The following SCFD1 variants were observed in gnomAD, a reference collection of about 807,000 sequenced individuals.
SCFD1 encodes sec1 family domain containing 1, also known as sec1 family domain-containing protein 1.
Under a neutral mutation model 103.2 loss-of-function variants are expected in SCFD1, and 37 were observed. That is an observed-to-expected ratio of 0.36 (90% confidence interval 0.28 to 0.47). The LOEUF (loss-of-function observed/expected upper bound fraction) is 0.47. SCFD1 is among the 20% of genes least tolerant of loss of function. SCFD1 has a pLI of 1.00. For synonymous variants in SCFD1, 264 were observed against 245.0 expected (o/e 1.08, Z -0.73); for missense variants, 639 against 761.2 (o/e 0.84, Z 1.89).
chr14:30,660,129 A>T (rs1479105949), intron 10 of SCFD1, among the ~76,000 whole-genome samples: 1 of 152,214 alleles, frequency 6.6e-6, no homozygotes, highest in Non-Finnish European at 1.5e-5. Flanking sequence ...CCAGAAATAC[A>T]TCTATACATG....
At chr14:30,629,926 A>G (rs1471110362) in intron 2 of SCFD1, among the ~76,000 whole-genome samples, 1 of 151,628 alleles carries the variant, frequency 6.6e-6, no homozygotes, top group Non-Finnish European at 1.5e-5. Context: ...AGATGCTTAA[A>G]ATACTAAATT....
At chr14:30,626,689 G>A (rs1439957490) in intron 1 of SCFD1, among the ~76,000 whole-genome samples, 2 of 152,144 alleles carry the variant, frequency 1.3e-5, no homozygotes, top group Non-Finnish European at 2.9e-5. Context: ...ACTCTCCTAT[G>A]TGTGTTGCCC....
chr14:30,716,584 AC>A (rs1304404666), intron 20 of SCFD1, among the ~76,000 whole-genome samples: 2 of 152,236 alleles, frequency 1.3e-5, no homozygotes, highest in South Asian at 4.1e-4. Flanking sequence ...CACTGTCGCA[AC>A]CAAAAGGTGG....
chr14:30,666,566 GAGAT>G (rs1330472346), intron 10 of SCFD1, among the ~76,000 whole-genome samples: 6 of 152,010 alleles, frequency 3.9e-5, no homozygotes, highest in Non-Finnish European at 8.8e-5. Flanking sequence ...AGAAATGAAG[GAGAT>G]AGAGACACAA....
In SCFD1 at chr14:30,735,701, A is replaced by G; in HGVS notation, c.*92A>G. ...AAGAGCAATATGTTTCCTTCTCTGT[A>G]ACAGTGTCCTAACAGTGAAAATCAG... On this transcript the variant is annotated 3_prime_UTR_variant, in exon 25 of 25. Coordinates refer to ENST00000458591, the MANE Select transcript of SCFD1 (RefSeq NM_016106.4). The G allele has an allele frequency of 1.1e-6, 1 of 891,492 alleles. No homozygotes were observed. Among genetic ancestry groups the G allele is most frequent in the South Asian group, 1.6e-5 (1 of 63,798 alleles). 55.2% of individuals were successfully genotyped at this position (891,492 alleles called of 1,614,324 possible).
intron 3 of SCFD1, among the ~76,000 whole-genome samples, chr14:30,631,128 C>T (rs1884073605): frequency 6.6e-6 from 1 of 152,072 alleles, no homozygotes; most frequent in Non-Finnish European, 1.5e-5. Context: ...CCAAGGCGGG[C>T]AAATCACAAG....
intron 14 of SCFD1, among the ~76,000 whole-genome samples, chr14:30,690,714 G>C (rs61976725): frequency 6.7e-6 from 1 of 149,142 alleles, no homozygotes; most frequent in East Asian, 2.0e-4. Flanking sequence ...ACTGTCTGGC[G>C]CTCCCTAGTG....
intron 20 of SCFD1, among the ~76,000 whole-genome samples, chr14:30,717,254 T>C (rs1234569237): frequency 6.6e-6 from 1 of 152,198 alleles, no homozygotes; most frequent in Non-Finnish European, 1.5e-5. Flanking sequence ...GGCTGACAGA[T>C]CACTTGAGTT....
intron 16 of SCFD1, among the ~76,000 whole-genome samples, chr14:30,700,472 G>A (rs183722536): frequency 6.8e-4 from 104 of 152,304 alleles, no homozygotes; most frequent in African/African-American, 2.5e-3. Flanking sequence ...GCAGGAGTTT[G>A]AGACCAGTCT....
At chr14:30,670,502 C>T (rs1888434662) in intron 11 of SCFD1, 107 bp downstream of exon 11, 2 of 676,274 alleles carry the variant, frequency 3.0e-6, no homozygotes, top group Non-Finnish European at 4.8e-6. Flanking sequence ...GGTTCGTTCA[C>T]CCAATGAGTG....
intron 7 of SCFD1, among the ~76,000 whole-genome samples, chr14:30,648,125 T>C (rs1371752763): frequency 1.3e-5 from 2 of 152,204 alleles, no homozygotes; most frequent in African/African-American, 4.8e-5. Flanking sequence ...GAAAACAACA[T>C]GGAGGCATCC....
chr14:30,728,838 CT>C (rs367747323), intron 23 of SCFD1, among the ~76,000 whole-genome samples: 8,563 of 131,684 alleles, frequency 0.065, 308 homozygotes, highest in Middle Eastern at 0.085. Context: ...TCCTTTGTCC[CT>C]TTTTTTTTTT....
chr14:30,679,983 G>A (rs988654502), intron 14 of SCFD1, among the ~76,000 whole-genome samples: 2 of 152,138 alleles, frequency 1.3e-5, no homozygotes, highest in African/African-American at 4.8e-5. Context: ...AGAATCTGAA[G>A]TATTTTGTTT....
intron 8 of SCFD1, 78 bp from the exon 9 acceptor site, chr14:30,650,487 A>T (rs1280428728): frequency 5.9e-6 from 5 of 844,436 alleles, no homozygotes; most frequent in Non-Finnish European, 9.7e-6. Flanking sequence ...TGGTTATGAA[A>T]CTAAAAACAC....
intron 19 of SCFD1, among the ~76,000 whole-genome samples, chr14:30,711,479 T>C (rs1302504780): frequency 3.3e-5 from 5 of 152,134 alleles, no homozygotes; most frequent in African/African-American, 1.2e-4. Flanking sequence ...CTGGGCATGG[T>C]GGCACATGCT....
chr14:30,659,556 T>C (rs1438024246), intron 10 of SCFD1, among the ~76,000 whole-genome samples: 1 of 152,150 alleles, frequency 6.6e-6, no homozygotes, highest in Non-Finnish European at 1.5e-5. Flanking sequence ...CTGGTAGAAA[T>C]GTTTGCATAT....
In SCFD1 at chr14:30,643,402, C is replaced by A; in HGVS notation, c.610C>A (p.Leu204Met). ...VDSLFCFFVTLGAVPIIRCSR... is the reference protein window; with the variant it reads ...VDSLFCFFVTMGAVPIIRCSR... ...CAGCCTCTTCTGCTTTTTTGTTACT[C>A]TGGGTAAGTTTTCCAGTCTTTCTGG... The change falls in exon 7 of 25, where the codon CTG (leucine) becomes ATG (methionine). Residue 204 changes from leucine to methionine, a missense_variant. Coordinates refer to ENST00000458591, the MANE Select transcript of SCFD1 (RefSeq NM_016106.4). The A allele has an allele frequency of 6.2e-7, 1 of 1,605,624 alleles. No homozygotes were observed. The highest frequency in any genetic ancestry group is 8.5e-7 in the Non-Finnish European group (1 of 1,172,448).
intron 23 of SCFD1, 195 bp from the exon 24 acceptor site, chr14:30,734,595 T>C (rs1893704624): frequency 3.7e-6 from 2 of 541,290 alleles, no homozygotes; most frequent in South Asian, 4.5e-5. Context: ...GGGACAAAAA[T>C]ACTATGCTCA....
At chr14:30,641,632 A>G (rs879467066) in intron 6 of SCFD1, among the ~76,000 whole-genome samples, 5 of 152,216 alleles carry the variant, frequency 3.3e-5, no homozygotes, top group Non-Finnish European at 7.4e-5. Context: ...TGCAAATTGT[A>G]TTCTTTATGA....
Sources: gnomAD v4.1 joint callset for allele counts (sites outside exome capture counted in the v4.1 genomes callset) on GRCh38, gnomAD v4.1.1 for gene constraint, MANE v1.5 for transcripts, NCBI Gene and HGNC (gene_info 2026-07-23, HGNC 2026-07-21) for gene names.